Variants in CFAP276 observed in about 807,000 individuals in gnomAD.
The protein encoded by CFAP276 is cilia and flagella associated protein 276.
chr1:109,106,914 A>G, the CFAP276 span: 4 of 1,004,422 alleles, frequency 4.0e-6, no homozygotes, highest in African/African-American at 6.5e-5. Flanking sequence ...ACAAATGAGT[A>G]CCTAGTGATT....
At chr1:109,112,953 G>C in the CFAP276 span, among the ~76,000 whole-genome samples, 1 of 152,164 alleles carries the variant, frequency 6.6e-6, no homozygotes, top group Non-Finnish European at 1.5e-5. Flanking sequence ...GAGCCTCGGC[G>C]GAAAAGTGCT....
At chr1:109,107,283 T>C in the CFAP276 span, among the ~76,000 whole-genome samples, 1 of 152,240 alleles carries the variant, frequency 6.6e-6, no homozygotes, top group Non-Finnish European at 1.5e-5. Flanking sequence ...ATGATAACTC[T>C]TGTTGATATG....
chr1:109,107,108 G>A, the CFAP276 span: 2 of 1,614,108 alleles, frequency 1.2e-6, no homozygotes, highest in Non-Finnish European at 1.7e-6. Flanking sequence ...GGAAGTCCAG[G>A]TCATCCTTTG....
chr1:109,112,746 A>C, the CFAP276 span: 2 of 1,536,172 alleles, frequency 1.3e-6, no homozygotes, highest in Non-Finnish European at 1.8e-6. Flanking sequence ...CCTCACTGGC[A>C]TAAGATCCCG....
the CFAP276 span, chr1:109,112,857 C>T: frequency 9.8e-7 from 1 of 1,021,668 alleles, no homozygotes; most frequent in Non-Finnish European, 1.4e-6. Context: ...TGGCGGCTGA[C>T]CACGGGAGGC....
At chr1:109,107,633 A>C in the CFAP276 span, among the ~76,000 whole-genome samples, 2 of 152,040 alleles carry the variant, frequency 1.3e-5, no homozygotes, top group Non-Finnish European at 2.9e-5. Context: ...TCATGCCTAT[A>C]ATCCCAGCAC....
the CFAP276 span, among the ~76,000 whole-genome samples, chr1:109,107,371 A>C: frequency 6.6e-6 from 1 of 152,194 alleles, no homozygotes; most frequent in African/African-American, 2.4e-5. Flanking sequence ...ATGTGGGCTT[A>C]ATGAACTTTA....
At chr1:109,111,911 C>G in the CFAP276 span, among the ~76,000 whole-genome samples, 1 of 152,210 alleles carries the variant, frequency 6.6e-6, no homozygotes, top group Non-Finnish European at 1.5e-5. Flanking sequence ...TCTCTCTTTA[C>G]TACTAGAGTT....
At chr1:109,106,328 T>C in the CFAP276 span, among the ~76,000 whole-genome samples, 1 of 152,214 alleles carries the variant, frequency 6.6e-6, no homozygotes, top group Non-Finnish European at 1.5e-5. Flanking sequence ...AAAGAGGCTC[T>C]GAAAAATTGA....
chr1:109,108,198 A>G, the CFAP276 span, among the ~76,000 whole-genome samples: 1 of 152,296 alleles, frequency 6.6e-6, no homozygotes, highest in South Asian at 2.1e-4. Context: ...GCTGGAGTGC[A>G]GTGGCGAGAT....
chr1:109,106,077 G>A, the CFAP276 span: 2 of 1,613,786 alleles, frequency 1.2e-6, no homozygotes, highest in Non-Finnish European at 1.7e-6. Flanking sequence ...GCCTCCATTG[G>A]TGGCTGCAGT....
At chr1:109,106,576 T>G in the CFAP276 span, 4 of 1,614,056 alleles carry the variant, frequency 2.5e-6, no homozygotes, top group Non-Finnish European at 3.4e-6. Flanking sequence ...CTTTTTAGGG[T>G]TGATCCAGTG....
At chr1:109,105,979 A>G in the CFAP276 span, 2 of 1,435,352 alleles carry the variant, frequency 1.4e-6, no homozygotes, top group Non-Finnish European at 1.9e-6. Flanking sequence ...ATTTAATGGA[A>G]GTGGGCCGCA....
the CFAP276 span, chr1:109,106,699 C>A: frequency 3.2e-5 from 52 of 1,600,860 alleles, 1 homozygote; most frequent in East Asian, 1.1e-3. Flanking sequence ...AGAGTGAAAT[C>A]AATCAGAGAA....
chr1:109,111,837 C>T, the CFAP276 span, among the ~76,000 whole-genome samples: 6 of 152,320 alleles, frequency 3.9e-5, no homozygotes, highest in Admixed American at 3.3e-4. Context: ...CTGGTTCTCA[C>T]GGCACCCTGC....
At chr1:109,112,807 C>T in the CFAP276 span, 1 of 1,416,298 alleles carries the variant, frequency 7.1e-7, no homozygotes, top group Non-Finnish European at 9.4e-7. Context: ...ACTGCCCAGC[C>T]ATCTATGACA....
chr1:109,113,737 C>T, the CFAP276 span: 2 of 1,595,984 alleles, frequency 1.3e-6, no homozygotes, highest in South Asian at 1.1e-5. Flanking sequence ...TAAAATAACC[C>T]CTGGCCCGAA....
At chr1:109,113,100 C>T in the CFAP276 span, among the ~76,000 whole-genome samples, 1 of 152,090 alleles carries the variant, frequency 6.6e-6, no homozygotes, top group Admixed American at 6.5e-5. Flanking sequence ...TGTCAAGAGA[C>T]CAAAGAGGGC....
chr1:109,113,415 A>AC, the CFAP276 span, among the ~76,000 whole-genome samples: 4 of 113,846 alleles, frequency 3.5e-5, no homozygotes, highest in East Asian at 4.9e-4. Context: ...AGAGAGAGAG[A>AC]AAGAGAGAGA....
Sources: gnomAD v4.1 joint callset for allele counts (sites outside exome capture counted in the v4.1 genomes callset) on GRCh38, gnomAD v4.1.1 for gene constraint, MANE v1.5 for transcripts, NCBI Gene and HGNC (gene_info 2026-07-23, HGNC 2026-07-21) for gene names.